C9orf40: variants seen among roughly 807,000 people sequenced by gnomAD.
C9orf40 encodes chromosome 9 open reading frame 40.
In C9orf40, 2 loss-of-function variants were observed where a neutral mutation model predicts 7.9. That is an observed-to-expected ratio of 0.25 (90% CI 0.10 to 0.80). The LOEUF is 0.80. Among genes scored for constraint, C9orf40 ranks in the 30% least tolerant of loss-of-function variants. C9orf40 has a pLI of 0.68. For synonymous variants in C9orf40, 113 were observed against 117.6 expected (o/e 0.96, Z 0.25); for missense variants, 256 against 268.5 (o/e 0.95, Z 0.33).
intron 1 of C9orf40, among the ~76,000 whole-genome samples, chr9:74,949,177 A>C (rs1832273164): frequency 6.6e-6 from 1 of 152,192 alleles, no homozygotes; most frequent in African/African-American, 2.4e-5. Flanking sequence ...ATTATATCCC[A>C]ATAAGCCTAT....
intron 1 of C9orf40, among the ~76,000 whole-genome samples, chr9:74,951,471 AAT>A (rs1255987438): frequency 6.6e-6 from 1 of 151,952 alleles, no homozygotes; most frequent in Admixed American, 6.5e-5. Context: ...TTTGTGTTTT[AAT>A]AGAGACAGAG....
Position 74,952,124 on chromosome 9 carries a change from T to G in C9orf40, c.426+62A>C. The G allele has an allele frequency of 3.4e-6, 2 of 587,210 alleles. No individual in the cohort carries two copies. Among genetic ancestry groups the G allele is most frequent in the Non-Finnish European group, 2.5e-6 (1 of 396,150 alleles). 36.4% of individuals were successfully genotyped at this position (587,210 alleles called of 1,614,324 possible). A position where few individuals can be genotyped will look rare whatever the true frequency, so the allele number is the denominator to read the frequency against. Reference sequence around the variant, plus strand: ...AGTCATGAGTGGGAACCGGGGCGTTTTGTGTGTGTGGGGAAAAGGCAAGCC... The same window carrying G: ...AGTCATGAGTGGGAACCGGGGCGTTGTGTGTGTGTGGGGAAAAGGCAAGCC... On this transcript the variant is annotated intron_variant, in intron 1 of 1. Coordinates refer to ENST00000376854, the MANE Select transcript of C9orf40 (RefSeq NM_017998.3). This position sits in a 1 kb window ranked among gnomAD's most constrained non-coding sequence, Gnocchi z 5.4.
chr9:74,952,426 G>A lies in C9orf40; in HGVS notation c.186C>T (p.Thr62=). The A allele has an allele frequency of 6.3e-7, 1 of 1,599,044 alleles. No homozygotes were observed. The highest frequency in any genetic ancestry group is 2.2e-5 in the East Asian group (1 of 44,462). ...QHRKRKIDAG[T]MAEPSASPSK... is the part of the protein sequence containing the mutation. ...TGGGCGAAGCCGAGGGCTCTGCCAT[G>A]GTCCCTGCGTCGATTTTGCGCTTTC... Residue 62 remains threonine (T), a synonymous_variant, in exon 1 of 2, where the codon ACC becomes ACT. Coordinates refer to ENST00000376854, the MANE Select transcript of C9orf40 (RefSeq NM_017998.3). The surrounding 1 kb of genome is among the most constrained non-coding windows in gnomAD (Gnocchi z 5.4).
At position 74,947,916 on chromosome 9, in the gene C9orf40, C is replaced by A; in HGVS notation, c.*132G>T. Reference sequence around the variant, plus strand: ...TAACTGTAGGTATTTAATGTCAGAACAATCTTTCTTCATTTCTCAGGTTTG... The same window carrying A: ...TAACTGTAGGTATTTAATGTCAGAAAAATCTTTCTTCATTTCTCAGGTTTG... On this transcript the variant is annotated 3_prime_UTR_variant, in exon 2 of 2. Coordinates refer to ENST00000376854, the MANE Select transcript of C9orf40 (RefSeq NM_017998.3). 2 of 888,552 alleles carry A rather than the reference C, an allele frequency of 2.3e-6. No individual in the cohort carries two copies. Among genetic ancestry groups the A allele is most frequent in the Admixed American group, 5.1e-5 (2 of 39,446 alleles). 55.0% of individuals were successfully genotyped at this position (888,552 alleles called of 1,614,324 possible). A position where few individuals can be genotyped will look rare whatever the true frequency, so the allele number is the denominator to read the frequency against.
chr9:74,952,262 A>C lies in C9orf40; in HGVS notation c.350T>G (p.Leu117Arg). The C allele has an allele frequency of 1.7e-6, 2 of 1,177,318 alleles. No individual in the cohort carries two copies. The highest frequency in any genetic ancestry group is 2.1e-6 in the Non-Finnish European group (2 of 956,474). 72.9% of individuals were successfully genotyped at this position (1,177,318 alleles called of 1,614,324 possible). A position where few individuals can be genotyped will look rare whatever the true frequency, so the allele number is the denominator to read the frequency against. Residue 117 changes from leucine to arginine, a missense_variant, in exon 1 of 2, where the codon CTC becomes CGC. By Grantham distance (102) the Leu-to-Arg change is moderately radical. Transcript: ENST00000376854. The surrounding 1 kb of genome is among the most constrained non-coding windows in gnomAD (Gnocchi z 5.4). ...CCCGTCGTCGCCACCGCCCCCCGGG[A>C]GCCGGGCGCCCGGGAGCTCCTCCCC... Reference protein sequence around the residue: ...GPGEELPGARLPGGGGDDGAG... With the variant: ...GPGEELPGARRPGGGGDDGAG...
chr9:74,952,283 T>C lies in C9orf40; in HGVS notation c.329A>G (p.Glu110Gly). The C allele has an allele frequency of 7.8e-7, 1 of 1,284,112 alleles. No individual in the cohort carries two copies. Among genetic ancestry groups the C allele is most frequent in the Non-Finnish European group, 9.8e-7 (1 of 1,020,552 alleles). 79.5% of individuals were successfully genotyped at this position (1,284,112 alleles called of 1,614,324 possible). Reference protein sequence around the residue: ...PPPPVLPGPGEELPGARLPGG... With the variant: ...PPPPVLPGPGGELPGARLPGG... Reference sequence around the variant, plus strand: ...CGGGAGCCGGGCGCCCGGGAGCTCCTCCCCCGGCCCCGGCAGTACGGGCGG... The same window carrying C: ...CGGGAGCCGGGCGCCCGGGAGCTCCCCCCCCGGCCCCGGCAGTACGGGCGG... Residue 110 changes from glutamate (E) to glycine (G), a missense_variant, in exon 1 of 2, where the codon GAG (glutamate) becomes GGG (glycine). Physicochemically the swap from Glu to Gly is moderately conservative, Grantham distance 98. Coordinates refer to ENST00000376854, the MANE Select transcript of C9orf40 (RefSeq NM_017998.3). The surrounding 1 kb of genome is among the most constrained non-coding windows in gnomAD (Gnocchi z 5.4).
rs1346303983 is a variant in C9orf40 at position 74,952,163 on chromosome 9, G to GGCCCCCCCCCCCCCCCC, written c.426+22_426+23insGGGGGGGGGGGGGGGGC. ...AAAAGGCAAGCCCCTTCGCCCCTCA[G>GGCCCCCCCCCCCCCCCC]CCCACCCGCCCCCAGCCCCTACCTG... On this transcript the variant is annotated intron_variant, in intron 1 of 1. Transcript: ENST00000376854. This position sits in a 1 kb window ranked among gnomAD's most constrained non-coding sequence, Gnocchi z 5.4. 39 of 351,682 alleles carry GGCCCCCCCCCCCCCCCC rather than the reference G, an allele frequency of 1.1e-4. No individual in the cohort carries two copies. The highest frequency in any genetic ancestry group is 3.5e-4 in the East Asian group (7 of 20,278). The allele number at this position is 351,682 out of a possible 1,614,324, so 21.8% of individuals were successfully genotyped here. A position where few individuals can be genotyped will look rare whatever the true frequency, so the allele number is the denominator to read the frequency against.
At position 74,948,080 on chromosome 9, in the gene C9orf40, T is replaced by C. The variant is rs1832260943; in HGVS notation, c.553A>G (p.Asn185Asp). 1 of 1,613,922 alleles carries C rather than the reference T, an allele frequency of 6.2e-7. No individual in the cohort carries two copies. Among genetic ancestry groups the C allele is most frequent in the Non-Finnish European group, 8.5e-7 (1 of 1,179,956 alleles). ...TCCATGTCAACCTCAGCCCCTTCATTCCTGCCCTGAAGTGTTGCTTCTGTC... is the reference window on the plus strand; with the variant it reads ...TCCATGTCAACCTCAGCCCCTTCATCCCTGCCCTGAAGTGTTGCTTCTGTC... ...TLTEATLQGR[N>D]EGAEVDMES The change falls in exon 2 of 2, where the codon AAT (asparagine) becomes GAT (aspartate). Residue 185 changes from asparagine to aspartate, a missense_variant. Physicochemically the swap from Asn to Asp is conservative, Grantham distance 23. Transcript: ENST00000376854.
chr9:74,949,952 A>G (rs973770169), intron 1 of C9orf40, among the ~76,000 whole-genome samples: 4 of 151,760 alleles, frequency 2.6e-5, no homozygotes, highest in Non-Finnish European at 4.4e-5. Context: ...ACTTGAGCCC[A>G]GCCTGGGTAA....
rs1195685509 is a variant in C9orf40 at position 74,952,754 on chromosome 9, G to C, written c.-143C>G. 30 of 716,108 alleles carry C rather than the reference G, an allele frequency of 4.2e-5. No individual in the cohort carries two copies. In the South Asian group the frequency reaches 4.8e-4, roughly 11 times the overall value. The allele number at this position is 716,108 out of a possible 1,614,324, so 44.4% of individuals were successfully genotyped here. Reference sequence around the variant, plus strand: ...AGGCGACAGGACGCTGGAGGGGGTAGGGCGGGGCAGCTCGCGCAGGGCCTA... The same window carrying C: ...AGGCGACAGGACGCTGGAGGGGGTACGGCGGGGCAGCTCGCGCAGGGCCTA... On this transcript the variant is annotated 5_prime_UTR_variant, in exon 1 of 2. Coordinates refer to ENST00000376854, the MANE Select transcript of C9orf40 (RefSeq NM_017998.3). This position sits in a 1 kb window ranked among gnomAD's most constrained non-coding sequence, Gnocchi z 5.4.
chr9:74,948,320 A>G (rs1391757421), intron 1 of C9orf40, 114 bp from the exon 2 acceptor site: 1 of 628,730 alleles, frequency 1.6e-6, no homozygotes. Flanking sequence ...GTAATCTTCT[A>G]TTTTGTATTT....
chr9:74,952,143 G>A lies in C9orf40; in HGVS notation c.426+43C>T. On this transcript the variant is annotated intron_variant, in intron 1 of 1. Coordinates refer to ENST00000376854, the MANE Select transcript of C9orf40 (RefSeq NM_017998.3). This position sits in a 1 kb window ranked among gnomAD's most constrained non-coding sequence, Gnocchi z 5.4. Reference sequence around the variant, plus strand: ...GGCGTTTTGTGTGTGTGGGGAAAAGGCAAGCCCCTTCGCCCCTCAGCCCAC... The same window carrying A: ...GGCGTTTTGTGTGTGTGGGGAAAAGACAAGCCCCTTCGCCCCTCAGCCCAC... 1.5e-6 allele frequency: 1 copy of A among 675,300 alleles called. No homozygotes were observed. The allele number at this position is 675,300 out of a possible 1,614,324, so 41.8% of individuals were successfully genotyped here.
chr9:74,952,303 G>GGGC lies in C9orf40; in HGVS notation c.306_308dup (p.Pro103dup), dbSNP rs778729188. On this transcript the variant is annotated inframe_insertion, in exon 1 of 2. Coordinates refer to ENST00000376854, the MANE Select transcript of C9orf40 (RefSeq NM_017998.3). This position sits in a 1 kb window ranked among gnomAD's most constrained non-coding sequence, Gnocchi z 5.4. Reference sequence around the variant, plus strand: ...GCTCCTCCCCCGGCCCCGGCAGTACGGGCGGCGGCGGCAGCGGCGGATCGC... The same window carrying GGGC: ...GCTCCTCCCCCGGCCCCGGCAGTACGGGCGGCGGCGGCGGCAGCGGCGGATCGC... 7.3e-7 allele frequency: 1 copy of GGGC among 1,364,322 alleles called. No homozygotes were observed. The highest frequency in any genetic ancestry group is 9.4e-7 in the Non-Finnish European group (1 of 1,060,666). 84.5% of individuals were successfully genotyped at this position (1,364,322 alleles called of 1,614,324 possible). A position where few individuals can be genotyped will look rare whatever the true frequency, so the allele number is the denominator to read the frequency against.
Position 74,952,769 on chromosome 9 carries a change from C to A in C9orf40, c.-158G>T. ...GGAGGGGGTAGGGCGGGGCAGCTCG[C>A]GCAGGGCCTAGGGCTGGGGCTCCGG... On this transcript the variant is annotated 5_prime_UTR_variant, in exon 1 of 2. Coordinates refer to ENST00000376854, the MANE Select transcript of C9orf40 (RefSeq NM_017998.3). This position sits in a 1 kb window ranked among gnomAD's most constrained non-coding sequence, Gnocchi z 5.4. 2 of 636,120 alleles carry A rather than the reference C, an allele frequency of 3.1e-6. No individual in the cohort carries two copies. Among genetic ancestry groups the A allele is most frequent in the Non-Finnish European group, 5.2e-6 (2 of 387,664 alleles). 39.4% of individuals were successfully genotyped at this position (636,120 alleles called of 1,614,324 possible). A position where few individuals can be genotyped will look rare whatever the true frequency, so the allele number is the denominator to read the frequency against.
In C9orf40 at chr9:74,948,167, A is replaced by T. The variant is rs951294139; in HGVS notation, c.466T>A (p.Trp156Arg). ...TCAATAGGAGGCAAAGGATTCCTCCAGTACTGGAAGGTATTATACTGCCAA... is the reference window on the plus strand; with the variant it reads ...TCAATAGGAGGCAAAGGATTCCTCCTGTACTGGAAGGTATTATACTGCCAA... ...EFWQYNTFQY[W>R]RNPLPPIDLA... is the part of the protein sequence containing the mutation. The change falls in exon 2 of 2, where the codon TGG becomes AGG. Residue 156 changes from tryptophan (W) to arginine (R), a missense_variant. Coordinates refer to ENST00000376854, the MANE Select transcript of C9orf40 (RefSeq NM_017998.3). 6.2e-7 allele frequency: 1 copy of T among 1,613,094 alleles called. No individual in the cohort carries two copies. Among genetic ancestry groups the T allele is most frequent in the Non-Finnish European group, 8.5e-7 (1 of 1,179,190 alleles).
rs1564081049 is a variant in C9orf40, at chr9:74,952,228, G to A, written c.384C>T (p.Arg128=). ...PGGGGDDGAG[R]AGPPRGDWGV... ...CCCAGTCTCCCCGCGGGGGTCCTGC[G>A]CGCCCCGCCCCGTCGTCGCCACCGC... Residue 128 remains arginine (R), a synonymous_variant, in exon 1 of 2, where the codon CGC becomes CGT. Transcript: ENST00000376854. The surrounding 1 kb of genome is among the most constrained non-coding windows in gnomAD (Gnocchi z 5.4). The A allele has an allele frequency of 1.7e-6, 2 of 1,196,654 alleles. No homozygotes were observed. Among genetic ancestry groups the A allele is most frequent in the Non-Finnish European group, 2.1e-6 (2 of 963,608 alleles). The allele number at this position is 1,196,654 out of a possible 1,614,324, so 74.1% of individuals were successfully genotyped here.
chr9:74,948,327 AT>A (rs1225607461), intron 1 of C9orf40, 121 bp from the exon 2 acceptor site: 1 of 593,340 alleles, frequency 1.7e-6, no homozygotes, highest in East Asian at 3.0e-5. Context: ...TCTATTTTGT[AT>A]TTTTAACAAA....
At position 74,946,721 on chromosome 9, in the gene C9orf40, A is replaced by G. The variant is rs891641161; in HGVS notation, c.*1327T>C. 3.9e-5 allele frequency: 6 copies of G among 152,174 alleles called. No homozygotes were observed. The highest frequency in any genetic ancestry group is 2.6e-4 in the Admixed American group (4 of 15,280). The allele number at this position is 152,174 out of a possible 1,614,324, so 9.4% of individuals were successfully genotyped here. On this transcript the variant is annotated 3_prime_UTR_variant, in exon 2 of 2. Coordinates refer to ENST00000376854, the MANE Select transcript of C9orf40 (RefSeq NM_017998.3). ...GAACCATGTCTGACCACAATGCAATACAGTTTGTCTTCTGTTCTAAAGCAT... is the reference window on the plus strand; with the variant it reads ...GAACCATGTCTGACCACAATGCAATGCAGTTTGTCTTCTGTTCTAAAGCAT...
Position 74,952,826 on chromosome 9 carries a change from C to T in C9orf40, c.-215G>A. Reference sequence around the variant, plus strand: ...GGCAGCTCCCGCGCTCAGCCCTCGCCGCCGCCGAGATGCGGCCCGGACGTT... The same window carrying T: ...GGCAGCTCCCGCGCTCAGCCCTCGCTGCCGCCGAGATGCGGCCCGGACGTT... On this transcript the variant is annotated 5_prime_UTR_variant, in exon 1 of 2. Coordinates refer to ENST00000376854, the MANE Select transcript of C9orf40 (RefSeq NM_017998.3). This position sits in a 1 kb window ranked among gnomAD's most constrained non-coding sequence, Gnocchi z 5.4. The T allele has an allele frequency of 2.0e-6, 1 of 493,782 alleles. No individual in the cohort carries two copies. The highest frequency in any genetic ancestry group is 4.3e-5 in the Admixed American group (1 of 23,446). The allele number at this position is 493,782 out of a possible 1,614,324, so 30.6% of individuals were successfully genotyped here. A position where few individuals can be genotyped will look rare whatever the true frequency, so the allele number is the denominator to read the frequency against.
Sources: gnomAD v4.1 joint callset for allele counts (sites outside exome capture counted in the v4.1 genomes callset) on GRCh38, gnomAD v4.1.1 for gene constraint, Gnocchi (gnomAD v3.1) non-coding constraint, MANE v1.5 for transcripts, NCBI Gene and HGNC (gene_info 2026-07-23, HGNC 2026-07-21) for gene names.